Variants in LIPJ observed in about 807,000 individuals in gnomAD.
LIPJ encodes lipase family member J, also known as lipase member J.
In LIPJ, 33 loss-of-function variants were observed where a neutral mutation model predicts 39.8. That is an observed-to-expected ratio of 0.83 (90% CI 0.63 to 1.11). The LOEUF (loss-of-function observed/expected upper bound fraction) is 1.11, where lower values mean the gene tolerates loss of function less well. LIPJ is among the 50% of genes least tolerant of loss of function. The pLI, the probability that LIPJ is intolerant of heterozygous loss-of-function variation, is 0.00. For synonymous variants in LIPJ, 128 were observed against 139.2 expected, an observed-to-expected ratio of 0.92 and a Z score of 0.57; for missense variants, 422 against 427.9, an observed-to-expected ratio of 0.99 and a Z score of 0.12.
chr10:88,587,854 A>T (rs573282635), intron 2 of LIPJ, among the ~76,000 whole-genome samples: 3 of 152,094 alleles, frequency 2.0e-5, no homozygotes, highest in Non-Finnish European at 4.4e-5. Context: ...TAATATTTTA[A>T]TCTAGTAGTA....
At chr10:88,607,631 G>T (rs1332599836), downstream of LIPJ, among the ~76,000 whole-genome samples, 1 of 152,172 alleles carries the variant, frequency 6.6e-6, no homozygotes, top group Non-Finnish European at 1.5e-5. Context: ...TTATACATGA[G>T]ATGTGTAGAT....
the LIPJ span, among the ~76,000 whole-genome samples, chr10:88,615,779 G>C: frequency 7.3e-3 from 1,112 of 152,182 alleles, 28 homozygotes; most frequent in South Asian, 0.083. Flanking sequence ...ATCATTTGGA[G>C]AGTGGCCTGG....
At chr10:88,586,523 T>C (rs949031581), upstream of LIPJ, among the ~76,000 whole-genome samples, 1 of 152,196 alleles carries the variant, frequency 6.6e-6, no homozygotes, top group African/African-American at 2.4e-5. Context: ...AAAAGAGGTC[T>C]TCTCTAACCA....
chr10:88,583,014 A>G, upstream of LIPJ: 1 of 1,571,226 alleles, frequency 6.4e-7, no homozygotes, highest in Non-Finnish European at 8.7e-7. Flanking sequence ...GGCCCACACC[A>G]CCTCAGCAGC....
chr10:88,585,953 G>C (rs1203631599), upstream of LIPJ, among the ~76,000 whole-genome samples: 1 of 152,086 alleles, frequency 6.6e-6, no homozygotes, highest in Non-Finnish European at 1.5e-5. Context: ...GTCTTCATTT[G>C]TTCTGTGCTT....
chr10:88,597,165 C>T (rs976441990), intron 8 of LIPJ, among the ~76,000 whole-genome samples: 8 of 151,590 alleles, frequency 5.3e-5, no homozygotes, highest in Admixed American at 1.3e-4. Context: ...TGTAAATATT[C>T]GAGAGCAGCT....
In LIPJ at chr10:88,586,846, G is replaced by A. The variant is rs1252604741; in HGVS notation, c.-231+1G>A. The A allele has an allele frequency of 6.6e-6, 1 of 152,066 alleles. No homozygotes were observed. The highest frequency in any genetic ancestry group is 1.5e-5 in the Non-Finnish European group (1 of 67,968). 9.4% of individuals were successfully genotyped at this position (152,066 alleles called of 1,614,324 possible). On this transcript the variant is annotated splice_donor_variant, in intron 1 of 10. Coordinates refer to ENST00000371939, the Ensembl canonical transcript of LIPJ. LOFTEE classifies it low-confidence loss of function (5UTR_SPLICE). ...TACTTAAATGAAGATAGACCGGATGGTAATTCAGTTGGATAATGATCAGTG... is the reference window on the plus strand; with the variant it reads ...TACTTAAATGAAGATAGACCGGATGATAATTCAGTTGGATAATGATCAGTG...
At chr10:88,607,384 G>T (rs1371729646), downstream of LIPJ, among the ~76,000 whole-genome samples, 2 of 152,132 alleles carry the variant, frequency 1.3e-5, no homozygotes, top group African/African-American at 4.8e-5. Flanking sequence ...ATGTAATATT[G>T]CTTGCCTTGT....
intron 8 of LIPJ, among the ~76,000 whole-genome samples, chr10:88,600,250 C>T (rs1405721764): frequency 6.6e-6 from 1 of 152,070 alleles, no homozygotes; most frequent in Non-Finnish European, 1.5e-5. Context: ...AATTCTTTTT[C>T]TTCTTTCAAA....
the LIPJ span, among the ~76,000 whole-genome samples, chr10:88,620,591 C>T: frequency 6.6e-6 from 1 of 151,964 alleles, no homozygotes; most frequent in Non-Finnish European, 1.5e-5. Context: ...AGGACCTCAC[C>T]AGTACTACCA....
At chr10:88,609,332 T>C (rs1403467024), downstream of LIPJ, among the ~76,000 whole-genome samples, 1 of 152,228 alleles carries the variant, frequency 6.6e-6, no homozygotes, top group East Asian at 1.9e-4. Flanking sequence ...ACTAAAATAG[T>C]ACTGAGAATA....
At chr10:88,613,824 A>ATG in the LIPJ span, among the ~76,000 whole-genome samples, 2 of 76,234 alleles carry the variant, frequency 2.6e-5, no homozygotes, top group South Asian at 8.7e-4. Flanking sequence ...GTGTATATAT[A>ATG]TATATGTGTG....
At position 88,594,747 on chromosome 10, in the gene LIPJ, A is replaced by T. The variant is rs766453145; in HGVS notation, c.410A>T (p.Tyr137Phe). Residue 137 changes from tyrosine (Y) to phenylalanine (F), a missense_variant, in exon 6 of 11, where the codon TAT (tyrosine) becomes TTT (phenylalanine). Coordinates refer to ENST00000371939, the Ensembl canonical transcript of LIPJ. ...CAAACCAGACAAGAGGAAATATTTTATGTAGGCCATTCACAGGGTACTACT... is the reference window on the plus strand; with the variant it reads ...CAAACCAGACAAGAGGAAATATTTTTTGTAGGCCATTCACAGGGTACTACT... 5 of 1,550,140 alleles carry T rather than the reference A, an allele frequency of 3.2e-6. No homozygotes were observed. In the South Asian group the frequency reaches 6.2e-5, roughly 19 times the overall value.
the LIPJ span, among the ~76,000 whole-genome samples, chr10:88,619,420 T>C: frequency 1.6e-4 from 22 of 135,142 alleles, no homozygotes; most frequent in Non-Finnish European, 2.9e-4. Flanking sequence ...TGCTAAAAAT[T>C]GATGTTTATG....
chr10:88,594,625 T>C, intron 5 of LIPJ, 42 bp from the exon 6 acceptor site: 1 of 950,092 alleles, frequency 1.1e-6, no homozygotes, highest in Non-Finnish European at 1.6e-6. Flanking sequence ...TAACATAACA[T>C]TAGTAGAAAG....
chr10:88,596,389 G>A (rs1360445643), exon 7 of LIPJ: 1 of 1,542,082 alleles, frequency 6.5e-7, no homozygotes. Context: ...TAATTAGAAT[G>A]ACATACAAAT....
At chr10:88,620,301 A>G in the LIPJ span, among the ~76,000 whole-genome samples, 2 of 152,224 alleles carry the variant, frequency 1.3e-5, no homozygotes, top group Non-Finnish European at 2.9e-5. Flanking sequence ...TAGGAAGATT[A>G]GAAAAGTTCA....
At chr10:88,606,730 T>C (rs949735120) in exon 11 of LIPJ, 12 of 1,613,564 alleles carry the variant, frequency 7.4e-6, no homozygotes, top group Non-Finnish European at 1.0e-5. Flanking sequence ...CAATTTGGAA[T>C]GGTAAAAGTG....
upstream of LIPJ, among the ~76,000 whole-genome samples, chr10:88,586,104 G>A (rs1446924233): frequency 6.6e-6 from 1 of 152,018 alleles, no homozygotes; most frequent in Non-Finnish European, 1.5e-5. Context: ...TTGTGAATCC[G>A]CATTTATCTT....
Sources: allele counts gnomAD v4.1 joint callset (sites outside exome capture counted in the v4.1 genomes callset), GRCh38; gene constraint gnomAD v4.1.1; transcripts MANE v1.5; gene names NCBI Gene and HGNC (gene_info 2026-07-23, HGNC 2026-07-21).